CSMD1: variants seen among roughly 807,000 people sequenced by gnomAD.
The protein encoded by CSMD1 is CUB and Sushi multiple domains 1, also known as CUB and sushi domain-containing protein 1.
In CSMD1, 213 loss-of-function variants were observed where a neutral mutation model predicts 417.5. That is an observed-to-expected ratio of 0.51 (90% CI 0.46 to 0.57). The LOEUF is 0.57. Among genes scored for constraint, CSMD1 ranks in the 20% least tolerant of loss-of-function variants. The pLI is 0.00. For missense variants in CSMD1, 6,923 were observed against 4,529.7 expected (o/e 1.53, Z -15.17); for synonymous variants, 2,862 against 1,736.8 (o/e 1.65, Z -16.11).
intron 3 of CSMD1, among the ~76,000 whole-genome samples, chr8:4,047,333 T>G (rs1441534841): frequency 6.6e-6 from 1 of 152,104 alleles, no homozygotes; most frequent in African/African-American, 2.4e-5. Context: ...CAAAATGATC[T>G]TCTACCCAAA....
intron 11 of CSMD1, among the ~76,000 whole-genome samples, chr8:3,474,393 A>C (rs1289795087): frequency 6.6e-6 from 1 of 152,096 alleles, no homozygotes; most frequent in Non-Finnish European, 1.5e-5. Flanking sequence ...TTTCCTGACA[A>C]TGTTTTCTTG....
chr8:4,568,866 G>C (rs534015318), intron 2 of CSMD1, among the ~76,000 whole-genome samples: 3 of 152,170 alleles, frequency 2.0e-5, no homozygotes, highest in Non-Finnish European at 4.4e-5. Context: ...TTTCTCTAAT[G>C]ACTAGTGATG....
intron 5 of CSMD1, among the ~76,000 whole-genome samples, chr8:3,772,727 A>G (rs2129059754): frequency 6.6e-6 from 1 of 150,504 alleles, no homozygotes; most frequent in East Asian, 1.9e-4. Context: ...ATATATACAC[A>G]CACATATCAA....
chr8:3,686,327 C>T (rs1036519615), intron 7 of CSMD1, among the ~76,000 whole-genome samples: 11 of 152,072 alleles, frequency 7.2e-5, no homozygotes, highest in African/African-American at 1.2e-4. Flanking sequence ...TTTCAGGAAG[C>T]GCCTTCACTT....
rs542950053 is a variant in CSMD1 at position 3,237,268 on chromosome 8, C to A, written c.4154-7037G>T. Among the ~76,000 whole-genome samples, 29 of 151,142 alleles carry A rather than the reference C, an allele frequency of 1.9e-4. No homozygotes were observed. The Admixed American group carries it at 1.9e-3, about 10-fold the overall frequency. On this transcript the variant is annotated intron_variant, in intron 26 of 69. Coordinates refer to ENST00000635120, the MANE Select transcript of CSMD1 (RefSeq NM_033225.6). Reference sequence around the variant, plus strand: ...GGATCAAAAGGTCAGCAGTTCGAGACCAGTCTGACCAACATGGTGAAACCC... The same window carrying A: ...GGATCAAAAGGTCAGCAGTTCGAGAACAGTCTGACCAACATGGTGAAACCC...
Position 3,747,055 on chromosome 8 carries a change from C to G in CSMD1, c.931+6875G>C, listed in dbSNP as rs899186219. On this transcript the variant is annotated intron_variant, in intron 6 of 69. Coordinates refer to ENST00000635120, the MANE Select transcript of CSMD1 (RefSeq NM_033225.6). The stretch of plus-strand genomic sequence containing the variant: ...TAACTCACTATCCACCACCCCTCAA[C>G]TAAAACACGTTCTGATGTTAAGTAG... Among the ~76,000 whole-genome samples the G allele has an allele frequency of 2.0e-5, 3 of 152,238 alleles. No individual in the cohort carries two copies. In the East Asian group the frequency reaches 5.8e-4, roughly 29 times the overall value.
chr8:3,409,573 T>A lies in CSMD1; in HGVS notation c.1594A>T (p.Ile532Phe). Residue 532 changes from isoleucine to phenylalanine, a missense_variant, in exon 13 of 70, where the codon ATC (isoleucine) becomes TTC (phenylalanine). Ile to Phe is a conservative substitution (Grantham distance 21). Coordinates refer to ENST00000635120, the MANE Select transcript of CSMD1 (RefSeq NM_033225.6). ...CCCGTCCGCTTCCCATAGGCGGGGATTCCAGGATCCCCACACCCTCCCTTT... is the reference window on the plus strand; with the variant it reads ...CCCGTCCGCTTCCCATAGGCGGGGAATCCAGGATCCCCACACCCTCCCTTT... Reference protein sequence around the residue: ...IEKGGCGDPGIPAYGKRTGSS... With the variant: ...IEKGGCGDPGFPAYGKRTGSS... 6.2e-7 allele frequency: 1 copy of A among 1,607,726 alleles called. No homozygotes were observed. Among genetic ancestry groups the A allele is most frequent in the Non-Finnish European group, 8.5e-7 (1 of 1,176,696 alleles).
At chr8:4,273,009 T>G (rs1268592849) in intron 3 of CSMD1, among the ~76,000 whole-genome samples, 1 of 152,206 alleles carries the variant, frequency 6.6e-6, no homozygotes, top group African/African-American at 2.4e-5. Flanking sequence ...TTGCGTCATG[T>G]ACCTGACATT....
intron 2 of CSMD1, among the ~76,000 whole-genome samples, chr8:4,462,712 C>T (rs1171644337): frequency 6.6e-6 from 1 of 152,074 alleles, no homozygotes; most frequent in South Asian, 2.1e-4. Context: ...TGATTTTTGA[C>T]AAGATGCCAA....
chr8:3,773,768 T>A (rs1198425239), intron 5 of CSMD1, among the ~76,000 whole-genome samples: 6 of 152,138 alleles, frequency 3.9e-5, no homozygotes, highest in Non-Finnish European at 7.3e-5. Flanking sequence ...CCAGAATAAA[T>A]ATCCAGAATA....
intron 20 of CSMD1, among the ~76,000 whole-genome samples, chr8:3,366,272 C>G (rs908566238): frequency 6.6e-6 from 1 of 152,148 alleles, no homozygotes; most frequent in Admixed American, 6.5e-5. Context: ...AATGAAGACA[C>G]TGCAGAGGTT....
chr8:4,913,713 G>T (rs1322257666), intron 1 of CSMD1, among the ~76,000 whole-genome samples: 1 of 152,108 alleles, frequency 6.6e-6, no homozygotes, highest in African/African-American at 2.4e-5. Context: ...TTAATCTTAG[G>T]AAGAACCATT....
intron 49 of CSMD1, among the ~76,000 whole-genome samples, chr8:3,069,473 G>T (rs977174055): frequency 1.3e-5 from 2 of 151,848 alleles, no homozygotes; most frequent in Non-Finnish European, 2.9e-5. Flanking sequence ...GGGATTACAT[G>T]CCCCATTCAA....
At chr8:4,806,295 C>G (rs777412902) in intron 1 of CSMD1, among the ~76,000 whole-genome samples, 120 of 152,150 alleles carry the variant, frequency 7.9e-4, no homozygotes, top group Non-Finnish European at 1.4e-3. Context: ...CCGCTACACC[C>G]TAGGAAGGTG....
At chr8:3,193,730 G>C (rs1249554754) in intron 33 of CSMD1, among the ~76,000 whole-genome samples, 4 of 152,144 alleles carry the variant, frequency 2.6e-5, no homozygotes, top group African/African-American at 9.7e-5. Flanking sequence ...CCAGACAACC[G>C]TGTTTCTTCA....
intron 1 of CSMD1, among the ~76,000 whole-genome samples, chr8:4,741,811 T>A (rs1361658434): frequency 6.6e-6 from 1 of 151,914 alleles, no homozygotes. Flanking sequence ...CCCTGGTGAT[T>A]CATGTACACT....
At chr8:3,786,873 C>A (rs181629651) in intron 5 of CSMD1, among the ~76,000 whole-genome samples, 1 of 152,102 alleles carries the variant, frequency 6.6e-6, no homozygotes, top group Non-Finnish European at 1.5e-5. Context: ...GAGGGCCACA[C>A]CCTCCTGACC....
intron 3 of CSMD1, among the ~76,000 whole-genome samples, chr8:4,132,446 C>G (rs36069069): frequency 0.3 from 45,748 of 151,918 alleles, 7,167 homozygotes; most frequent in Middle Eastern, 0.44. Context: ...TTTAAAGGAA[C>G]AAAATTCCAT....
At chr8:3,244,009 G>C (rs567258462) in intron 26 of CSMD1, among the ~76,000 whole-genome samples, 7 of 152,114 alleles carry the variant, frequency 4.6e-5, no homozygotes, top group African/African-American at 7.2e-5. Flanking sequence ...ACATCCCTGC[G>C]TACCTCGATA....
Sources: allele counts gnomAD v4.1 joint callset (sites outside exome capture counted in the v4.1 genomes callset), GRCh38; gene constraint gnomAD v4.1.1; transcripts MANE v1.5; gene names NCBI Gene and HGNC (gene_info 2026-07-23, HGNC 2026-07-21).